TIAM1: variants seen among roughly 807,000 people sequenced by gnomAD.
TIAM1 encodes the protein rho guanine nucleotide exchange factor TIAM1.
A neutral mutation model predicts 163.5 loss-of-function variants in TIAM1; 65 were observed. That is an observed-to-expected ratio of 0.40 (90% confidence interval 0.33 to 0.49). TIAM1 has a LOEUF of 0.49. Ranked by LOEUF, TIAM1 falls within the 20% of genes least tolerant of loss-of-function variation. The pLI, the probability that TIAM1 is intolerant of heterozygous loss-of-function variation, is 0.77. For synonymous variants in TIAM1, 833 were observed against 810.1 expected (o/e 1.03, Z -0.48); for missense variants, 1,789 against 2,044.7 (o/e 0.87, Z 2.41).
chr21:31,196,533 C>G (rs1443652889), intron 12 of TIAM1, among the ~76,000 whole-genome samples: 2 of 145,170 alleles, frequency 1.4e-5, no homozygotes, highest in Non-Finnish European at 3.0e-5. Flanking sequence ...GTTGGACAGG[C>G]TGGTCTCAAA....
At chr21:31,374,071 G>C (rs911624450) in intron 2 of TIAM1, among the ~76,000 whole-genome samples, 1 of 151,888 alleles carries the variant, frequency 6.6e-6, no homozygotes, top group African/African-American at 2.4e-5. Context: ...GAAACCACCA[G>C]CCATGCCCTT....
intron 1 of TIAM1, among the ~76,000 whole-genome samples, chr21:31,342,985 G>T (rs145962256): frequency 1.7e-3 from 262 of 152,260 alleles, no homozygotes; most frequent in African/African-American, 5.8e-3. Context: ...GATAAAATCA[G>T]CTACTGACAT....
At chr21:31,267,649 T>C (rs889358777) in intron 3 of TIAM1, among the ~76,000 whole-genome samples, 17 of 151,664 alleles carry the variant, frequency 1.1e-4, no homozygotes, top group Admixed American at 8.5e-4. Context: ...AAAAAAAGCT[T>C]TGACCTTTAA....
At chr21:31,425,584 C>G (rs1569320058) in intron 2 of TIAM1, among the ~76,000 whole-genome samples, 2 of 137,812 alleles carry the variant, frequency 1.5e-5, no homozygotes, top group Non-Finnish European at 3.1e-5. Flanking sequence ...CCAGGGACTG[C>G]TTTTTTTTTT....
rs578090198 is a variant in TIAM1, at chr21:31,154,479, G to A, written c.2992-53C>T. 1.1e-5 allele frequency: 17 copies of A among 1,572,310 alleles called. No individual in the cohort carries two copies. The Middle Eastern group carries it at 6.1e-4, about 57-fold the overall frequency. On this transcript the variant is annotated intron_variant, in intron 16 of 27. Transcript: ENST00000541036. Reference sequence around the variant, plus strand: ...CAGAGGTCATTATCCCTCATTAGACGCACCTGACACCTGGACCGCCTAGAG... The same window carrying A: ...CAGAGGTCATTATCCCTCATTAGACACACCTGACACCTGGACCGCCTAGAG...
chr21:31,358,504 C>T (rs1285149251), intron 2 of TIAM1, among the ~76,000 whole-genome samples: 10 of 152,122 alleles, frequency 6.6e-5, no homozygotes, highest in African/African-American at 2.4e-4. Flanking sequence ...GCACGTACAC[C>T]CTCTGGGTAT....
intron 2 of TIAM1, among the ~76,000 whole-genome samples, chr21:31,311,098 C>T (rs1331246779): frequency 6.6e-6 from 1 of 151,758 alleles, no homozygotes; most frequent in Non-Finnish European, 1.5e-5. Flanking sequence ...CGTTCCAGAA[C>T]AAAGGAGAAG....
intron 2 of TIAM1, among the ~76,000 whole-genome samples, chr21:31,290,010 C>CA (rs1306800774): frequency 6.6e-6 from 1 of 151,968 alleles, no homozygotes; most frequent in Non-Finnish European, 1.5e-5. Flanking sequence ...CATCACCATT[C>CA]AAAAAAATAG....
At chr21:31,381,446 T>C (rs1212963212) in intron 2 of TIAM1, among the ~76,000 whole-genome samples, 2 of 152,144 alleles carry the variant, frequency 1.3e-5, no homozygotes, top group Middle Eastern at 3.4e-3. Context: ...GGCAGGTGGA[T>C]CACTTGAGGC....
rs2044441960 is a variant in TIAM1 at position 31,442,070 on chromosome 21, A to ATATATATATATATAT, written c.-369+21912_-369+21913insATATATATATATATA. ...GACCCTATCTCAGAACAAATAAATA[A>ATATATATATATATAT]ATATATATATATATATAGAACAATA... On this transcript the variant is annotated intron_variant, in intron 2 of 28. Transcript: ENST00000286827. 9.0e-4 allele frequency among the ~76,000 whole-genome samples: 48 copies of ATATATATATATATAT among 53,232 alleles called. 4 individuals carry two copies. The East Asian group carries it at 0.02, about 22-fold the overall frequency. 34.9% of individuals were successfully genotyped at this position (53,232 alleles called of 152,430 possible).
At chr21:31,429,583 G>A (rs2043923466) in intron 2 of TIAM1, among the ~76,000 whole-genome samples, 1 of 152,148 alleles carries the variant, frequency 6.6e-6, no homozygotes, top group East Asian at 1.9e-4. Flanking sequence ...TGGACGGCAG[G>A]GAGTGAGTGG....
chr21:31,427,165 G>A (rs1167087603), intron 2 of TIAM1, among the ~76,000 whole-genome samples: 3 of 152,060 alleles, frequency 2.0e-5, no homozygotes, highest in Non-Finnish European at 2.9e-5. Context: ...CAATCCTCCC[G>A]CCTTGGCAAT....
intron 20 of TIAM1, 26 bp downstream of exon 20, chr21:31,146,869 C>T (rs1173194747): frequency 3.1e-6 from 5 of 1,587,496 alleles, no homozygotes; most frequent in Admixed American, 1.7e-5. Flanking sequence ...AACACACCCC[C>T]ACCTCCACAT....
chr21:31,298,019 A>C (rs1026033924), intron 2 of TIAM1, among the ~76,000 whole-genome samples: 2 of 152,220 alleles, frequency 1.3e-5, no homozygotes, highest in Non-Finnish European at 2.9e-5. Context: ...TTCTATGTAC[A>C]TTAGATAATC....
chr21:31,396,912 G>A (rs1368592352), intron 2 of TIAM1, among the ~76,000 whole-genome samples: 1 of 152,074 alleles, frequency 6.6e-6, no homozygotes, highest in African/African-American at 2.4e-5. Context: ...TCGCGCCACT[G>A]CACTCCAGCC....
intron 16 of TIAM1, among the ~76,000 whole-genome samples, chr21:31,156,133 T>C (rs2833311): frequency 0.079 from 12,072 of 152,168 alleles, 1,640 homozygotes; most frequent in African/African-American, 0.27. Flanking sequence ...GAAGGAAGTC[T>C]GGAATAAAGA....
At chr21:31,252,772 G>A (rs144207724) in intron 4 of TIAM1, among the ~76,000 whole-genome samples, 1,870 of 152,334 alleles carry the variant, frequency 0.012, 34 homozygotes, top group African/African-American at 0.043. Flanking sequence ...CCGTGTTCCA[G>A]GAGCAGGCAA....
chr21:31,362,009 T>C (rs1358270417), intron 2 of TIAM1, among the ~76,000 whole-genome samples: 2 of 152,106 alleles, frequency 1.3e-5, no homozygotes, highest in Non-Finnish European at 2.9e-5. Context: ...AAAAACATGT[T>C]CCTTGGCTGG....
chr21:31,551,865 A>G (rs2048699315), intron 1 of TIAM1, among the ~76,000 whole-genome samples: 1 of 152,192 alleles, frequency 6.6e-6, no homozygotes, highest in Admixed American at 6.5e-5. Context: ...TACTATTTAG[A>G]GATATAAAGA....
Sources: gnomAD v4.1 joint callset for allele counts (sites outside exome capture counted in the v4.1 genomes callset) on GRCh38, gnomAD v4.1.1 for gene constraint, MANE v1.5 for transcripts, NCBI Gene and HGNC (gene_info 2026-07-23, HGNC 2026-07-21) for gene names.